PRKN: variants seen among roughly 807,000 people sequenced by gnomAD.
PRKN encodes E3 ubiquitin-protein ligase parkin.
In PRKN, 56 loss-of-function variants were observed where a neutral mutation model predicts 59.5. The ratio of observed to expected loss-of-function variants is 0.94; its 90% CI spans 0.76 to 1.18. PRKN has a LOEUF of 1.18. PRKN is among the 50% of genes most tolerant of loss of function. The pLI is 0.00. For synonymous variants in PRKN, 250 were observed against 222.1 expected, an observed-to-expected ratio of 1.13 and a Z score of -1.12; for missense variants, 657 against 596.4, an observed-to-expected ratio of 1.10 and a Z score of -1.06.
chr6:162,533,823 T>C (rs3016572), intron 1 of PRKN, among the ~76,000 whole-genome samples: 9,666 of 151,658 alleles, frequency 0.064, 397 homozygotes, highest in Non-Finnish European at 0.09. Context: ...ATACAAAAAT[T>C]AGCCAAACAC....
At chr6:162,057,938 T>C (rs1777932055) in intron 4 of PRKN, among the ~76,000 whole-genome samples, 1 of 152,228 alleles carries the variant, frequency 6.6e-6, no homozygotes, top group South Asian at 2.1e-4. Context: ...ATTTTAATTA[T>C]GATTATTAAA....
chr6:161,958,575 T>C (rs2128247846), intron 6 of PRKN, among the ~76,000 whole-genome samples: 1 of 152,196 alleles, frequency 6.6e-6, no homozygotes, highest in East Asian at 1.9e-4. Context: ...ATACCTGAAT[T>C]TTATGTAAGA....
chr6:162,223,658 CACA>C (rs565611373), intron 3 of PRKN, among the ~76,000 whole-genome samples: 9,315 of 84,802 alleles, frequency 0.11, 426 homozygotes, highest in African/African-American at 0.25. Flanking sequence ...CACACACACA[CACA>C]AACATAATGC....
At chr6:162,658,011 T>G (rs1403075416) in intron 1 of PRKN, among the ~76,000 whole-genome samples, 2 of 152,154 alleles carry the variant, frequency 1.3e-5, no homozygotes, top group African/African-American at 4.8e-5. Flanking sequence ...AATTCTGAGA[T>G]TTTAGAGTCA....
intron 7 of PRKN, among the ~76,000 whole-genome samples, chr6:161,714,396 T>G (rs973498181): frequency 6.6e-6 from 1 of 152,164 alleles, no homozygotes; most frequent in African/African-American, 2.4e-5. Flanking sequence ...AAAAGAGGCT[T>G]TACTCCGCAT....
chr6:161,392,065 G>T (rs1786528637), intron 9 of PRKN, among the ~76,000 whole-genome samples: 1 of 151,876 alleles, frequency 6.6e-6, no homozygotes, highest in Non-Finnish European at 1.5e-5. Context: ...TGCTGGTCTG[G>T]TCTCTCTGGT....
chr6:161,529,572 G>A lies in PRKN; in HGVS notation c.1083+19282C>T, dbSNP rs947923168. ...TCAAACTCACACAGTTTCAGTTCCA[G>A]TAATAAAACATCTAAACCTCCATAT... On this transcript the variant is annotated intron_variant, in intron 9 of 11. Coordinates refer to ENST00000366898, the MANE Select transcript of PRKN (RefSeq NM_004562.3). The surrounding 1 kb of genome is among the most constrained non-coding windows in gnomAD (Gnocchi z 4.4). 1.3e-5 allele frequency among the ~76,000 whole-genome samples: 2 copies of A among 152,188 alleles called. No individual in the cohort carries two copies. The highest frequency in any genetic ancestry group is 4.8e-5 in the African/African-American group (2 of 41,444).
chr6:162,672,685 AGTGTGTGTGTGTGTGTGT>A (rs56722608), intron 1 of PRKN, among the ~76,000 whole-genome samples: 1 of 149,064 alleles, frequency 6.7e-6, no homozygotes, highest in East Asian at 2.0e-4. Context: ...TTGGGGGAAA[AGTGTGTGTGTGTGTGTGT>A]GTGTGTGTGT....
intron 5 of PRKN, among the ~76,000 whole-genome samples, chr6:161,992,214 C>T (rs1449886807): frequency 2.0e-5 from 3 of 151,950 alleles, no homozygotes; most frequent in East Asian, 3.9e-4. Flanking sequence ...TGGTGGCGCA[C>T]CTGTAATCCC....
At chr6:162,148,680 G>A (rs948256407) in intron 4 of PRKN, among the ~76,000 whole-genome samples, 1 of 152,078 alleles carries the variant, frequency 6.6e-6, no homozygotes, top group Admixed American at 6.6e-5. Flanking sequence ...CTAAGCAAAG[G>A]CCTGAAAGAA....
intron 1 of PRKN, among the ~76,000 whole-genome samples, chr6:162,519,524 T>C (rs1222872012): frequency 3.9e-5 from 6 of 152,178 alleles, no homozygotes; most frequent in Admixed American, 1.3e-4. Context: ...GATAATGTAT[T>C]ATTAATAGTT....
intron 1 of PRKN, among the ~76,000 whole-genome samples, chr6:162,588,788 T>C (rs2128213619): frequency 6.6e-6 from 1 of 152,128 alleles, no homozygotes; most frequent in South Asian, 2.1e-4. Flanking sequence ...CCTGACCTCG[T>C]GATCCACCTG....
At chr6:161,706,456 T>G (rs1443277637) in intron 7 of PRKN, among the ~76,000 whole-genome samples, 1 of 152,256 alleles carries the variant, frequency 6.6e-6, no homozygotes, top group African/African-American at 2.4e-5. Context: ...TTTGCTTCAC[T>G]GTCATTTGCT....
chr6:162,486,373 C>T (rs1792541055), intron 1 of PRKN, among the ~76,000 whole-genome samples: 1 of 152,200 alleles, frequency 6.6e-6, no homozygotes, highest in African/African-American at 2.4e-5. Context: ...AAAGGAACTA[C>T]AGTTCTACCA....
In PRKN at chr6:161,454,239, C is replaced by G. The variant is rs1050659849; in HGVS notation, c.1084-67362G>C. Among the ~76,000 whole-genome samples, 1 of 152,168 alleles carries G rather than the reference C, an allele frequency of 6.6e-6. No homozygotes were observed. The highest frequency in any genetic ancestry group is 2.4e-5 in the African/African-American group (1 of 41,442). On this transcript the variant is annotated intron_variant, in intron 9 of 11. Transcript: ENST00000366898. This position sits in a 1 kb window ranked among gnomAD's most constrained non-coding sequence, Gnocchi z 4.6. ...TCTATAGGTCGGGGTGGCATTAGCA[C>G]TGACGGCACATAGCCTGTGTCTTTT...
At chr6:162,111,531 C>A (rs1400004016) in intron 4 of PRKN, among the ~76,000 whole-genome samples, 2 of 152,112 alleles carry the variant, frequency 1.3e-5, no homozygotes, top group Non-Finnish European at 2.9e-5. Flanking sequence ...CACGGACGTG[C>A]ACACTCACAT....
intron 5 of PRKN, among the ~76,000 whole-genome samples, chr6:162,008,997 G>A (rs1053780329): frequency 1.7e-4 from 26 of 151,944 alleles, no homozygotes; most frequent in African/African-American, 5.6e-4. Flanking sequence ...GCTCACGCCT[G>A]TAATCCCAGC....
chr6:161,523,060 T>G (rs1201895814), intron 9 of PRKN, among the ~76,000 whole-genome samples: 76 of 152,188 alleles, frequency 5.0e-4, no homozygotes, highest in Admixed American at 5.0e-3. Flanking sequence ...AAAAATATAT[T>G]CTTGCTTTTT....
chr6:162,336,731 C>T (rs544209420), intron 2 of PRKN, among the ~76,000 whole-genome samples: 1 of 152,300 alleles, frequency 6.6e-6, no homozygotes, highest in Non-Finnish European at 1.5e-5. Context: ...GTTCATTAGA[C>T]TTTACTACAT....
Sources: gnomAD v4.1 joint callset for allele counts (sites outside exome capture counted in the v4.1 genomes callset) on GRCh38, gnomAD v4.1.1 for gene constraint, Gnocchi (gnomAD v3.1) non-coding constraint, MANE v1.5 for transcripts, NCBI Gene and HGNC (gene_info 2026-07-23, HGNC 2026-07-21) for gene names.